The following QKI variants were observed in gnomAD, a reference collection of about 807,000 sequenced individuals.
QKI encodes the protein KH domain-containing RNA-binding protein QKI.
Under a neutral mutation model 39.0 loss-of-function variants are expected in QKI, and 10 were observed. That is an observed-to-expected ratio of 0.26 (90% CI 0.16 to 0.43). The LOEUF (loss-of-function observed/expected upper bound fraction) is 0.43, where lower values mean the gene tolerates loss of function less well. QKI is among the 20% of genes least tolerant of loss of function. The probability of loss-of-function intolerance (pLI) is 1.00; values close to 1 mark genes in which losing one functional copy is unlikely to be tolerated. For synonymous variants in QKI, 204 were observed against 155.4 expected (o/e 1.31, Z -2.33); for missense variants, 218 against 428.0 (o/e 0.51, Z 4.33).
chr6:163,437,257 C>T (rs1211692900), intron 1 of QKI, among the ~76,000 whole-genome samples: 1 of 152,096 alleles, frequency 6.6e-6, no homozygotes, highest in Non-Finnish European at 1.5e-5. Context: ...AAGGTATATA[C>T]ATAAGCTATA....
intron 6 of QKI, chr6:163,565,989 TAACTG>T (rs1485461795): frequency 2.5e-6 from 4 of 1,612,760 alleles, no homozygotes; most frequent in Non-Finnish European, 2.5e-6. Flanking sequence ...AGAACGGTCT[TAACTG>T]AACCCTCATC....
At chr6:163,559,259 A>G (rs1782841978) in intron 4 of QKI, among the ~76,000 whole-genome samples, 1 of 152,062 alleles carries the variant, frequency 6.6e-6, no homozygotes, top group South Asian at 2.1e-4. Flanking sequence ...GACATTTTCA[A>G]ACTTGTACCA....
At chr6:163,428,675 CCTT>C (rs1788595122) in intron 1 of QKI, among the ~76,000 whole-genome samples, 1 of 151,318 alleles carries the variant, frequency 6.6e-6, no homozygotes, top group Admixed American at 6.6e-5. Flanking sequence ...CATTTAAGTT[CCTT>C]CTTAGATGTG....
chr6:163,538,582 G>A (rs534985242), intron 4 of QKI, among the ~76,000 whole-genome samples: 1 of 152,272 alleles, frequency 6.6e-6, no homozygotes, highest in African/African-American at 2.4e-5. Context: ...TTTAGTCCGA[G>A]ATGAGAAGCT....
At chr6:163,460,797 T>A (rs1398143816) in intron 2 of QKI, among the ~76,000 whole-genome samples, 1 of 152,144 alleles carries the variant, frequency 6.6e-6, no homozygotes, top group Non-Finnish European at 1.5e-5. Flanking sequence ...TGATATTAAA[T>A]CAAAATTTAA....
At chr6:163,568,942 A>G (rs1194510694) in intron 7 of QKI, 1 of 986,036 alleles carries the variant, frequency 1.0e-6, no homozygotes, top group Non-Finnish European at 1.2e-6. Context: ...CCTGGTATAT[A>G]TAAATGGTCA....
Position 163,572,804 on chromosome 6 carries a change from G to C in QKI, c.*2094G>C, listed in dbSNP as rs1029016220. The stretch of plus-strand genomic sequence containing the variant: ...CACCATCTTGTCTCACTTGGAAACC[G>C]TTGTCAGTTTATTTACTATGCAATA... On this transcript the variant is annotated 3_prime_UTR_variant, in exon 8 of 8. Transcript: ENST00000361752. 2 of 151,954 alleles carry C rather than the reference G, an allele frequency of 1.3e-5. No individual in the cohort carries two copies. The highest frequency in any genetic ancestry group is 3.9e-4 in the East Asian group (2 of 5,182). 9.4% of individuals were successfully genotyped at this position (151,954 alleles called of 1,614,324 possible). A position where few individuals can be genotyped will look rare whatever the true frequency, so the allele number is the denominator to read the frequency against.
intron 1 of QKI, chr6:163,416,599 C>T (rs1014206980): frequency 6.6e-6 from 1 of 152,096 alleles, no homozygotes; most frequent in Non-Finnish European, 1.5e-5. Flanking sequence ...CACTAGAGAA[C>T]AAAAGGCCGG....
chr6:163,434,588 G>C (rs966863951), intron 1 of QKI, among the ~76,000 whole-genome samples: 1 of 151,920 alleles, frequency 6.6e-6, no homozygotes, highest in Non-Finnish European at 1.5e-5. Flanking sequence ...GGTGGTGGGC[G>C]CCTGTAATCC....
At chr6:163,477,256 TC>T (rs1792689851) in intron 2 of QKI, among the ~76,000 whole-genome samples, 1 of 152,146 alleles carries the variant, frequency 6.6e-6, no homozygotes, top group African/African-American at 2.4e-5. Context: ...CCTCAAGTGA[TC>T]CACCCCGTCT....
At chr6:163,553,889 A>C (rs1782419462) in intron 4 of QKI, among the ~76,000 whole-genome samples, 1 of 152,186 alleles carries the variant, frequency 6.6e-6, no homozygotes, top group African/African-American at 2.4e-5. Context: ...TTCTGGTTAA[A>C]TAAAGTGCCT....
intron 1 of QKI, among the ~76,000 whole-genome samples, chr6:163,443,194 A>C (rs2759391): frequency 0.34 from 51,253 of 152,118 alleles, 9,230 homozygotes; most frequent in African/African-American, 0.44. Flanking sequence ...ATTTTTGCTG[A>C]ATTTTATTTT....
intron 3 of QKI, among the ~76,000 whole-genome samples, chr6:163,493,325 T>C (rs1164054438): frequency 6.6e-6 from 1 of 151,504 alleles, no homozygotes; most frequent in Non-Finnish European, 1.5e-5. Context: ...AGTGACGGGG[T>C]TTTAATGTTG....
intron 3 of QKI, among the ~76,000 whole-genome samples, chr6:163,499,713 C>T (rs1442507905): frequency 6.6e-6 from 1 of 152,112 alleles, no homozygotes; most frequent in Non-Finnish European, 1.5e-5. Context: ...ACCCACCCGC[C>T]ACCCCCTAGA....
At chr6:163,564,501 C>G in intron 6 of QKI, 2 of 1,436,476 alleles carry the variant, frequency 1.4e-6, no homozygotes, top group African/African-American at 1.4e-5. Context: ...ATGAGAGATA[C>G]TCTTAATTTC....
chr6:163,478,746 A>G, intron 2 of QKI, 34 bp from the exon 3 acceptor site: 1 of 1,397,570 alleles, frequency 7.2e-7, no homozygotes. Flanking sequence ...CAGCAAGTGA[A>G]TAATGTATAG....
intron 3 of QKI, among the ~76,000 whole-genome samples, chr6:163,481,003 G>T (rs1793035193): frequency 6.6e-6 from 1 of 152,162 alleles, no homozygotes; most frequent in African/African-American, 2.4e-5. Context: ...ATGAGCATTA[G>T]AGCTTATAAC....
intron 7 of QKI, 40 bp from the exon 8 acceptor site, chr6:163,570,654 C>CTT (rs753366518): frequency 1.7e-5 from 28 of 1,601,622 alleles, no homozygotes; most frequent in Middle Eastern, 1.7e-4. Context: ...CTTTTCTTTT[C>CTT]TTTTTTTTGT....
intron 2 of QKI, among the ~76,000 whole-genome samples, chr6:163,475,300 A>G (rs1288627408): frequency 6.6e-6 from 1 of 152,196 alleles, no homozygotes; most frequent in Non-Finnish European, 1.5e-5. Flanking sequence ...TTTAGGGGAA[A>G]TATTTAAAAT....
Sources: allele counts gnomAD v4.1 joint callset (sites outside exome capture counted in the v4.1 genomes callset), GRCh38; gene constraint gnomAD v4.1.1; transcripts MANE v1.5; gene names NCBI Gene and HGNC (gene_info 2026-07-23, HGNC 2026-07-21).